ME2: variants seen among roughly 807,000 people sequenced by gnomAD.
The protein encoded by ME2 is NAD-dependent malic enzyme, mitochondrial.
A neutral mutation model predicts 73.7 loss-of-function variants in ME2; 60 were observed. The observed-to-expected ratio is 0.81, with a 90% CI of 0.66 to 1.01. The LOEUF (loss-of-function observed/expected upper bound fraction) is 1.01. ME2 is among the 50% of genes least tolerant of loss of function. ME2 has a pLI of 0.00. For synonymous variants in ME2, 199 were observed against 236.9 expected, an observed-to-expected ratio of 0.84 and a Z score of 1.47; for missense variants, 594 against 705.5, an observed-to-expected ratio of 0.84 and a Z score of 1.79.
At chr18:50,939,926 T>TA (rs1917908128) in intron 14 of ME2, 1 of 427,374 alleles carries the variant, frequency 2.3e-6, no homozygotes, top group Non-Finnish European at 4.2e-6. Context: ...TGCATGTTTT[T>TA]AATGGACAAG....
At chr18:50,918,024 G>GCCC in intron 6 of ME2, 86 bp from the exon 7 acceptor site, 1 of 761,304 alleles carries the variant, frequency 1.3e-6, no homozygotes, top group Non-Finnish European at 2.0e-6. Context: ...AATTGTATTA[G>GCCC]TAATTTTTTA....
At chr18:50,922,189 G>A (rs551068824) in intron 10 of ME2, among the ~76,000 whole-genome samples, 40 of 152,306 alleles carry the variant, frequency 2.6e-4, no homozygotes, top group Admixed American at 2.4e-3. Flanking sequence ...AAAATCTTGA[G>A]TGCTCAAACT....
chr18:50,940,505 C>A, intron 15 of ME2, 119 bp downstream of exon 15: 1 of 694,014 alleles, frequency 1.4e-6, no homozygotes, highest in East Asian at 2.8e-5. Context: ...AAATTTTAGG[C>A]CCATATTCTT....
intron 12 of ME2, among the ~76,000 whole-genome samples, chr18:50,927,080 C>G (rs1476500488): frequency 1.3e-5 from 2 of 152,178 alleles, no homozygotes; most frequent in African/African-American, 4.8e-5. Context: ...ATCTTTGACA[C>G]TACCACGGGA....
At chr18:50,938,665 G>A (rs1917870685) in intron 13 of ME2, among the ~76,000 whole-genome samples, 1 of 152,142 alleles carries the variant, frequency 6.6e-6, no homozygotes, top group African/African-American at 2.4e-5. Context: ...TTGTATTTGG[G>A]AAATGGAATC....
chr18:50,927,678 G>A (rs1917587544), intron 12 of ME2, among the ~76,000 whole-genome samples: 1 of 129,802 alleles, frequency 7.7e-6, no homozygotes, highest in African/African-American at 2.9e-5. Flanking sequence ...CTCCAGCCTG[G>A]GTGACAGAGC....
Position 50,950,483 on chromosome 18 carries a change from T to TTTTTTTTTC in ME2, c.*3307_*3308insCTTTTTTTT, listed in dbSNP as rs1918200747. ...CAGATTCTGCTTTTTTTTTTTTTTT[T>TTTTTTTTTC]TTTTTTTTTTTTAAACAGGGTCTCT... On this transcript the variant is annotated 3_prime_UTR_variant, in exon 16 of 16. Coordinates refer to ENST00000321341, the MANE Select transcript of ME2 (RefSeq NM_002396.5). The TTTTTTTTTC allele has an allele frequency of 7.0e-6, 1 of 141,942 alleles. No individual in the cohort carries two copies. Among genetic ancestry groups the TTTTTTTTTC allele is most frequent in the African/African-American group, 2.6e-5 (1 of 38,154 alleles). The allele number at this position is 141,942 out of a possible 1,614,324, so 8.8% of individuals were successfully genotyped here.
At chr18:50,883,146 C>G (rs1482633188) in intron 1 of ME2, among the ~76,000 whole-genome samples, 1 of 152,158 alleles carries the variant, frequency 6.6e-6, no homozygotes, top group Non-Finnish European at 1.5e-5. Context: ...AAAAACATGT[C>G]CTAAACTAAC....
chr18:50,927,394 G>T (rs1166348229), intron 12 of ME2, among the ~76,000 whole-genome samples: 2 of 151,802 alleles, frequency 1.3e-5, no homozygotes, highest in Non-Finnish European at 2.9e-5. Context: ...AAAAGCTAAG[G>T]ATTCTTTTAA....
intron 13 of ME2, among the ~76,000 whole-genome samples, chr18:50,936,620 G>C (rs1201514538): frequency 6.6e-6 from 1 of 152,104 alleles, no homozygotes; most frequent in Non-Finnish European, 1.5e-5. Context: ...TTGACAGGAA[G>C]GTAAATTAAA....
chr18:50,947,890 AT>A lies in ME2; in HGVS notation c.*708del, dbSNP rs1918124908. 6.6e-6 allele frequency: 1 copy of A among 152,184 alleles called. No individual in the cohort carries two copies. The highest frequency in any genetic ancestry group is 1.5e-5 in the Non-Finnish European group (1 of 68,024). The allele number at this position is 152,184 out of a possible 1,614,324, so 9.4% of individuals were successfully genotyped here. ...TTATTTAATAAATATCTTACATTTA[AT>A]TGCTTCAGTTATGCTATCTTATTGC... On this transcript the variant is annotated 3_prime_UTR_variant, in exon 16 of 16. Transcript: ENST00000321341.
intron 3 of ME2, among the ~76,000 whole-genome samples, chr18:50,909,135 A>G (rs1348237394): frequency 3.3e-5 from 5 of 150,648 alleles, no homozygotes; most frequent in Non-Finnish European, 5.9e-5. Context: ...TGTAGTTTTT[A>G]GTAGAGACAG....
rs1241013055 is a variant in ME2 at position 50,952,962 on chromosome 18, A to T, written c.*5778A>T. Reference sequence around the variant, plus strand: ...ACAGAGAGGTTAAATGACTTGTCAAAGGTCTTATGATGTGTGGCAGAGCCT... The same window carrying T: ...ACAGAGAGGTTAAATGACTTGTCAATGGTCTTATGATGTGTGGCAGAGCCT... On this transcript the variant is annotated 3_prime_UTR_variant, in exon 16 of 16. Coordinates refer to ENST00000321341, the MANE Select transcript of ME2 (RefSeq NM_002396.5). The T allele has an allele frequency of 1.3e-5, 2 of 152,206 alleles. No individual in the cohort carries two copies. The highest frequency in any genetic ancestry group is 2.9e-5 in the Non-Finnish European group (2 of 68,028). 9.4% of individuals were successfully genotyped at this position (152,206 alleles called of 1,614,324 possible). A position where few individuals can be genotyped will look rare whatever the true frequency, so the allele number is the denominator to read the frequency against.
At chr18:50,939,421 C>A in intron 13 of ME2, 149 bp from the exon 14 acceptor site, 1 of 525,158 alleles carries the variant, frequency 1.9e-6, no homozygotes, top group South Asian at 2.9e-5. Context: ...GATTTTAACT[C>A]AGATTTCTGT....
In ME2 at chr18:50,950,467, C is replaced by CCTTTTTTTTTTT. The variant is rs1320031263; in HGVS notation, c.*3283_*3284insCTTTTTTTTTTT. The CCTTTTTTTTTTT allele has an allele frequency of 8.9e-5, 4 of 45,088 alleles. No individual in the cohort carries two copies. Among genetic ancestry groups the CCTTTTTTTTTTT allele is most frequent in the African/African-American group, 2.7e-4 (3 of 11,298 alleles). The allele number at this position is 45,088 out of a possible 1,614,324, so 2.8% of individuals were successfully genotyped here. The stretch of plus-strand genomic sequence containing the variant: ...GCCTGGGGTGGGGCCTCAGATTCTG[C>CCTTTTTTTTTTT]TTTTTTTTTTTTTTTTTTTTTTTTT... On this transcript the variant is annotated 3_prime_UTR_variant, in exon 16 of 16. Transcript: ENST00000321341.
chr18:50,884,832 T>G (rs1368318290), intron 1 of ME2, among the ~76,000 whole-genome samples: 1 of 35,788 alleles, frequency 2.8e-5, no homozygotes, highest in Non-Finnish European at 5.4e-5. Context: ...TCACCAAAGT[T>G]TGTGTGTGTT....
chr18:50,897,815 T>C (rs1197061407), intron 2 of ME2, among the ~76,000 whole-genome samples: 1 of 151,358 alleles, frequency 6.6e-6, no homozygotes, highest in African/African-American at 2.4e-5. Context: ...GCCGAGATCG[T>C]GCCATTGCAT....
intron 1 of ME2, among the ~76,000 whole-genome samples, chr18:50,894,935 C>A (rs1475679364): frequency 6.7e-6 from 1 of 149,098 alleles, no homozygotes; most frequent in African/African-American, 2.5e-5. Context: ...AAAATGGTTA[C>A]TTTTATGATA....
chr18:50,890,167 C>G (rs1916570958), intron 1 of ME2, among the ~76,000 whole-genome samples: 1 of 152,086 alleles, frequency 6.6e-6, no homozygotes, highest in African/African-American at 2.4e-5. Flanking sequence ...AATGTTTCTT[C>G]TATTTTGCAG....
Sources: gnomAD v4.1 joint callset for allele counts (sites outside exome capture counted in the v4.1 genomes callset) on GRCh38, gnomAD v4.1.1 for gene constraint, MANE v1.5 for transcripts, NCBI Gene and HGNC (gene_info 2026-07-23, HGNC 2026-07-21) for gene names.